The following PRKCQ variants were observed in gnomAD, a reference collection of about 807,000 sequenced individuals.
PRKCQ encodes protein kinase C theta type.
Under a neutral mutation model 91.2 loss-of-function variants are expected in PRKCQ, and 41 were observed. The observed-to-expected ratio is 0.45, with a 90% CI of 0.35 to 0.58. The LOEUF (loss-of-function observed/expected upper bound fraction) is 0.58. Among genes scored for constraint, PRKCQ ranks in the 20% least tolerant of loss-of-function variants. The pLI is 0.00. For missense variants in PRKCQ, 673 were observed against 896.5 expected (o/e 0.75, Z 3.18); for synonymous variants, 307 against 316.9 (o/e 0.97, Z 0.33).
chr10:6,477,270 A>G (rs1005195773), intron 12 of PRKCQ, among the ~76,000 whole-genome samples: 1 of 152,172 alleles, frequency 6.6e-6, no homozygotes, highest in African/African-American at 2.4e-5. Flanking sequence ...TGAAGTTCTC[A>G]AGGTCGGGAG....
rs566505309 is a variant in PRKCQ at position 6,440,743 on chromosome 10, C to T, written c.1836+1150G>A. Among the ~76,000 whole-genome samples the T allele has an allele frequency of 1.4e-4, 21 of 152,270 alleles. 1 individual carries two copies. The highest frequency in any genetic ancestry group is 9.2e-4 in the Admixed American group (14 of 15,292). On this transcript the variant is annotated intron_variant, in intron 16 of 17. Transcript: ENST00000263125. ...GTGGCTCACATCTGTAGTCCCAGCA[C>T]TTTGGGAGGCCGAGGCGGGCAGATC... is the stretch of plus-strand genomic sequence containing the variant.
intron 4 of PRKCQ, among the ~76,000 whole-genome samples, chr10:6,505,315 AG>A (rs1297723737): frequency 4.6e-5 from 7 of 152,244 alleles, no homozygotes; most frequent in African/African-American, 1.7e-4. Flanking sequence ...CAGGAATAGA[AG>A]GACCATCCAT....
chr10:6,477,184 C>G (rs1034889626), intron 12 of PRKCQ, among the ~76,000 whole-genome samples: 2 of 152,220 alleles, frequency 1.3e-5, no homozygotes, highest in Non-Finnish European at 2.9e-5. Flanking sequence ...TCTCTCAGCT[C>G]TGGTACTTTG....
At chr10:6,409,978 G>A in the PRKCQ span, among the ~76,000 whole-genome samples, 1 of 152,194 alleles carries the variant, frequency 6.6e-6, no homozygotes, top group African/African-American at 2.4e-5. Context: ...GAAAGTTTAA[G>A]AGCCTGCTCA....
intron 15 of PRKCQ, among the ~76,000 whole-genome samples, chr10:6,447,824 G>C (rs1834407083): frequency 1.3e-5 from 2 of 152,204 alleles, no homozygotes; most frequent in South Asian, 2.1e-4. Context: ...TTGTAGGTGA[G>C]ACAGCAGCGG....
At chr10:6,433,302 G>A (rs573904654) in intron 16 of PRKCQ, among the ~76,000 whole-genome samples, 40 of 152,100 alleles carry the variant, frequency 2.6e-4, no homozygotes, top group Non-Finnish European at 4.3e-4. Flanking sequence ...CAACATCTTC[G>A]CTCCACTGGA....
At position 6,454,860 on chromosome 10, in the gene PRKCQ, C is replaced by G. The variant is rs544836761; in HGVS notation, c.1647+1814G>C. ...GACCAAGCACTGAATCACGTGGAGA[C>G]AAGCACACGTAAAAGAAAAGAAGGG... On this transcript the variant is annotated intron_variant, in intron 15 of 17. Coordinates refer to ENST00000263125, the MANE Select transcript of PRKCQ (RefSeq NM_006257.5). Among the ~76,000 whole-genome samples the G allele has an allele frequency of 1.4e-4, 21 of 152,106 alleles. No individual in the cohort carries two copies. In the South Asian group the frequency reaches 3.9e-3, roughly 28 times the overall value.
intron 1 of PRKCQ, among the ~76,000 whole-genome samples, chr10:6,541,781 T>C (rs1209104514): frequency 6.6e-6 from 1 of 152,228 alleles, no homozygotes; most frequent in Admixed American, 6.5e-5. Context: ...CTAGATAGCA[T>C]TCTCTTTGCA....
the PRKCQ span, among the ~76,000 whole-genome samples, chr10:6,405,990 C>G: frequency 6.6e-6 from 1 of 152,178 alleles, no homozygotes; most frequent in Non-Finnish European, 1.5e-5. Flanking sequence ...ACCAAGAGCT[C>G]GCACATTCAG....
chr10:6,403,187 A>AAAAC, the PRKCQ span, among the ~76,000 whole-genome samples: 1 of 152,228 alleles, frequency 6.6e-6, no homozygotes, highest in East Asian at 1.9e-4. Context: ...GCTCTGTGCT[A>AAAAC]AAACACCTAG....
At chr10:6,556,078 G>A (rs1840402224) in intron 1 of PRKCQ, among the ~76,000 whole-genome samples, 1 of 152,070 alleles carries the variant, frequency 6.6e-6, no homozygotes, top group South Asian at 2.1e-4. Flanking sequence ...CATTTACAGA[G>A]TGTTATACAG....
chr10:6,511,228 T>C, intron 2 of PRKCQ, 34 bp from the exon 3 acceptor site: 1 of 1,595,094 alleles, frequency 6.3e-7, no homozygotes, highest in African/African-American at 1.3e-5. Context: ...CATTATTCCT[T>C]CAGCCAGGCC....
At chr10:6,548,576 C>A (rs1159399407) in intron 1 of PRKCQ, among the ~76,000 whole-genome samples, 3 of 147,546 alleles carry the variant, frequency 2.0e-5, no homozygotes, top group Non-Finnish European at 4.5e-5. Context: ...AGTTCATGTC[C>A]TTTGTAGGGA....
intron 1 of PRKCQ, among the ~76,000 whole-genome samples, chr10:6,547,915 C>CA (rs1840025686): frequency 1.3e-5 from 2 of 149,976 alleles, no homozygotes. Flanking sequence ...TTCTGCACAG[C>CA]AAAAGAAACT....
intron 1 of PRKCQ, among the ~76,000 whole-genome samples, chr10:6,558,098 T>A (rs1398233347): frequency 6.6e-6 from 1 of 152,206 alleles, no homozygotes; most frequent in Non-Finnish European, 1.5e-5. Flanking sequence ...TTTAAAAAAA[T>A]CTCTTCCTTG....
chr10:6,463,526 C>T (rs564133296), intron 13 of PRKCQ, among the ~76,000 whole-genome samples: 4 of 152,308 alleles, frequency 2.6e-5, no homozygotes, highest in African/African-American at 7.2e-5. Flanking sequence ...CAGCAGAGTG[C>T]TACCCACTAG....
chr10:6,522,846 C>T (rs1388415608), intron 1 of PRKCQ, among the ~76,000 whole-genome samples: 1 of 152,074 alleles, frequency 6.6e-6, no homozygotes, highest in Non-Finnish European at 1.5e-5. Flanking sequence ...CAATGGTTTC[C>T]AATTACATCT....
At chr10:6,559,428 G>A (rs890789623) in intron 1 of PRKCQ, among the ~76,000 whole-genome samples, 1 of 151,964 alleles carries the variant, frequency 6.6e-6, no homozygotes, top group Admixed American at 6.6e-5. Flanking sequence ...TGGCAGTTTC[G>A]GCTCACTGCA....
chr10:6,444,124 G>A (rs1461079204), intron 15 of PRKCQ, among the ~76,000 whole-genome samples: 1 of 152,190 alleles, frequency 6.6e-6, no homozygotes, highest in African/African-American at 2.4e-5. Context: ...AGGCTGGAGT[G>A]CAGTGGCACA....
Sources: gnomAD v4.1 joint callset for allele counts (sites outside exome capture counted in the v4.1 genomes callset) on GRCh38, gnomAD v4.1.1 for gene constraint, MANE v1.5 for transcripts, NCBI Gene and HGNC (gene_info 2026-07-23, HGNC 2026-07-21) for gene names.